The following CDC73 variants were observed in gnomAD, a reference collection of about 807,000 sequenced individuals.
The protein encoded by CDC73 is parafibromin.
CDC73 carries 21 observed loss-of-function variants against 83.7 expected under a neutral mutation model. The ratio of observed to expected loss-of-function variants is 0.25; its 90% confidence interval spans 0.18 to 0.36. The LOEUF (loss-of-function observed/expected upper bound fraction) is 0.36, where lower values mean the gene tolerates loss of function less well. CDC73 is among the 10% of genes least tolerant of loss of function. The pLI, the probability that CDC73 is intolerant of heterozygous loss-of-function variation, is 1.00. For synonymous variants in CDC73, 224 were observed against 212.9 expected (o/e 1.05, Z -0.45); for missense variants, 342 against 653.3 (o/e 0.52, Z 5.19).
At chr1:193,146,466 A>G (rs1177228205) in intron 7 of CDC73, among the ~76,000 whole-genome samples, 1 of 149,936 alleles carries the variant, frequency 6.7e-6, no homozygotes, top group Non-Finnish European at 1.5e-5. Flanking sequence ...ATTTCATGGC[A>G]GAAGGCAGAA....
intron 13 of CDC73, among the ~76,000 whole-genome samples, chr1:193,231,482 T>C (rs887890925): frequency 1.3e-5 from 2 of 152,174 alleles, no homozygotes; most frequent in African/African-American, 4.8e-5. Flanking sequence ...TTTATTAGAA[T>C]GCAATTTCAA....
intron 10 of CDC73, among the ~76,000 whole-genome samples, chr1:193,173,477 T>A (rs1053157435): frequency 6.6e-6 from 1 of 152,188 alleles, no homozygotes; most frequent in Admixed American, 6.5e-5. Flanking sequence ...ATAGCCACAG[T>A]GCCATTGTAT....
At chr1:193,150,867 C>A (rs1459209319) in intron 9 of CDC73, among the ~76,000 whole-genome samples, 2 of 152,114 alleles carry the variant, frequency 1.3e-5, no homozygotes, top group African/African-American at 4.8e-5. Context: ...ATTGAATTCC[C>A]AGAATAGTAT....
At chr1:193,239,105 A>G (rs1677814548) in intron 15 of CDC73, among the ~76,000 whole-genome samples, 2 of 152,196 alleles carry the variant, frequency 1.3e-5, no homozygotes, top group Non-Finnish European at 1.5e-5. Flanking sequence ...TTCTGGACCT[A>G]TATACCTCAC....
Position 193,212,045 on chromosome 1 carries a change from A to T in CDC73, c.1031-20A>T. The T allele has an allele frequency of 6.4e-7, 1 of 1,561,652 alleles. No homozygotes were observed. Among genetic ancestry groups the T allele is most frequent in the South Asian group, 1.2e-5 (1 of 86,762 alleles). On this transcript the variant is annotated intron_variant, in intron 11 of 16. Transcript: ENST00000367435. The stretch of plus-strand genomic sequence containing the variant: ...ATGGTTTTTATGACACAGAGTTGTG[A>T]TTTTTTTTCTTTTTCACAGTTTCTC...
chr1:193,167,429 A>G (rs1295149253), intron 10 of CDC73, among the ~76,000 whole-genome samples: 1 of 152,108 alleles, frequency 6.6e-6, no homozygotes, highest in Non-Finnish European at 1.5e-5. Flanking sequence ...CGCCAAAGAA[A>G]ACCACTCAGT....
At chr1:193,169,290 A>G (rs568480341) in intron 10 of CDC73, among the ~76,000 whole-genome samples, 1 of 152,360 alleles carries the variant, frequency 6.6e-6, no homozygotes, top group African/African-American at 2.4e-5. Flanking sequence ...CACACCTGTA[A>G]TCCTAGCACT....
chr1:193,128,534 G>A (rs1675628215), intron 2 of CDC73, among the ~76,000 whole-genome samples: 1 of 151,572 alleles, frequency 6.6e-6, no homozygotes, highest in African/African-American at 2.4e-5. Flanking sequence ...CGAACTCCTG[G>A]GCTCCAGCAA....
chr1:193,175,601 T>C (rs1404134845), intron 10 of CDC73, among the ~76,000 whole-genome samples: 2 of 152,228 alleles, frequency 1.3e-5, no homozygotes, highest in African/African-American at 4.8e-5. Flanking sequence ...TATAGACTTT[T>C]GTGTGAGTTA....
intron 11 of CDC73, among the ~76,000 whole-genome samples, chr1:193,204,531 C>T (rs1411052335): frequency 2.0e-5 from 3 of 151,826 alleles, no homozygotes; most frequent in Admixed American, 6.6e-5. Context: ...CCTCATGATC[C>T]GCCCGCCTCG....
chr1:193,132,385 A>G (rs924873734), intron 3 of CDC73, among the ~76,000 whole-genome samples: 7 of 152,258 alleles, frequency 4.6e-5, no homozygotes, highest in Admixed American at 6.5e-5. Context: ...CTGTCATGCA[A>G]GGGAGACTGG....
chr1:193,194,461 A>T (rs891396950), intron 10 of CDC73, among the ~76,000 whole-genome samples: 2 of 152,036 alleles, frequency 1.3e-5, no homozygotes, highest in African/African-American at 4.8e-5. Context: ...TAGTTCATGG[A>T]CCCATATGTT....
chr1:193,154,973 A>G (rs781689713), intron 10 of CDC73, among the ~76,000 whole-genome samples: 2 of 152,092 alleles, frequency 1.3e-5, no homozygotes, highest in African/African-American at 2.4e-5. Flanking sequence ...TGTATAGTTC[A>G]TTTTTGCAGC....
chr1:193,224,942 A>G (rs1036886481), intron 13 of CDC73, among the ~76,000 whole-genome samples: 2 of 152,090 alleles, frequency 1.3e-5, no homozygotes, highest in Non-Finnish European at 2.9e-5. Context: ...GTATTTGGTT[A>G]CATGACTAAG....
intron 10 of CDC73, among the ~76,000 whole-genome samples, chr1:193,182,533 A>G (rs745702902): frequency 1.7e-4 from 26 of 152,292 alleles, no homozygotes; most frequent in Non-Finnish European, 3.5e-4. Context: ...ATTTCACACA[A>G]TATATTTTTA....
At chr1:193,205,554 G>A (rs1677175260) in intron 11 of CDC73, among the ~76,000 whole-genome samples, 1 of 151,958 alleles carries the variant, frequency 6.6e-6, no homozygotes, top group Non-Finnish European at 1.5e-5. Flanking sequence ...CAGTAGGTTT[G>A]TTTGAAATTT....
chr1:193,210,801 T>C (rs529593002), intron 11 of CDC73, among the ~76,000 whole-genome samples: 4 of 152,242 alleles, frequency 2.6e-5, no homozygotes, highest in South Asian at 2.1e-4. Context: ...TCAGATAATA[T>C]AGACCTTCAC....
intron 7 of CDC73, among the ~76,000 whole-genome samples, chr1:193,143,523 A>T (rs1296027691): frequency 2.6e-5 from 4 of 152,208 alleles, no homozygotes; most frequent in Non-Finnish European, 4.4e-5. Context: ...TTCTAAACTT[A>T]CTGATTTAAT....
intron 6 of CDC73, among the ~76,000 whole-genome samples, chr1:193,140,099 C>T (rs1021444366): frequency 1.3e-5 from 2 of 152,134 alleles, no homozygotes; most frequent in African/African-American, 2.4e-5. Context: ...TCAGAGAATC[C>T]GCTCAGCTCT....
Sources: allele counts gnomAD v4.1 joint callset (sites outside exome capture counted in the v4.1 genomes callset), GRCh38; gene constraint gnomAD v4.1.1; transcripts MANE v1.5; gene names NCBI Gene and HGNC (gene_info 2026-07-23, HGNC 2026-07-21).